NXPH2: variants seen among roughly 807,000 people sequenced by gnomAD.
NXPH2 encodes neurexophilin 2.
NXPH2 carries 5 observed loss-of-function variants against 19.8 expected under a neutral mutation model. The ratio of observed to expected loss-of-function variants is 0.25; its 90% CI spans 0.13 to 0.53. The LOEUF is 0.53. Among genes scored for constraint, NXPH2 ranks in the 20% least tolerant of loss-of-function variants. NXPH2 has a pLI of 0.96. For missense variants in NXPH2, 289 were observed against 322.8 expected, an observed-to-expected ratio of 0.90 and a Z score of 0.80; for synonymous variants, 154 against 127.4, an observed-to-expected ratio of 1.21 and a Z score of -1.41.
intron 1 of NXPH2, among the ~76,000 whole-genome samples, chr2:138,681,534 C>T (rs947124243): frequency 1.2e-4 from 18 of 152,154 alleles, no homozygotes; most frequent in African/African-American, 4.3e-4. Flanking sequence ...AATGTTGTAA[C>T]TATTTTATAG....
rs70982073 is a variant in NXPH2, at chr2:138,707,094, C to CAAAAAAAAAAAAAAAAAAAAAAAAAAA, written c.52-35430_52-35429insTTTTTTTTTTTTTTTTTTTTTTTTTTT. ...ATGACTTTAAGTACTTGCCCCATGA[C>CAAAAAAAAAAAAAAAAAAAAAAAAAAA]AAAAAAAAAAAAAAAAAAGAGCAAG... On this transcript the variant is annotated intron_variant, in intron 1 of 1. Transcript: ENST00000272641. Among the ~76,000 whole-genome samples, 113 of 34,818 alleles carry CAAAAAAAAAAAAAAAAAAAAAAAAAAA rather than the reference C, an allele frequency of 3.2e-3. 28 individuals carry two copies. The highest frequency in any genetic ancestry group is 6.5e-3 in the Admixed American group (11 of 1,704). 22.8% of individuals were successfully genotyped at this position (34,818 alleles called of 152,430 possible). A position where few individuals can be genotyped will look rare whatever the true frequency, so the allele number is the denominator to read the frequency against.
intron 1 of NXPH2, among the ~76,000 whole-genome samples, chr2:138,706,150 A>C (rs985723517): frequency 2.0e-5 from 3 of 152,220 alleles, no homozygotes; most frequent in African/African-American, 7.2e-5. Flanking sequence ...GTCTATTAAT[A>C]AAAAGATAAC....
At chr2:138,720,026 C>A (rs1331794226) in intron 1 of NXPH2, among the ~76,000 whole-genome samples, 1 of 151,632 alleles carries the variant, frequency 6.6e-6, no homozygotes, top group African/African-American at 2.4e-5. Context: ...CTTGGGAATT[C>A]TTGCATTTAT....
chr2:138,719,647 C>T (rs900352157), intron 1 of NXPH2, among the ~76,000 whole-genome samples: 2 of 152,118 alleles, frequency 1.3e-5, no homozygotes, highest in African/African-American at 4.8e-5. Flanking sequence ...GTGGGAAGAT[C>T]GCTTGAGCCC....
At chr2:138,679,584 G>C (rs1242537394) in intron 1 of NXPH2, among the ~76,000 whole-genome samples, 8 of 152,040 alleles carry the variant, frequency 5.3e-5, no homozygotes, top group Admixed American at 5.2e-4. Flanking sequence ...ATTTTTACTA[G>C]AGACGAGGTT....
intron 1 of NXPH2, among the ~76,000 whole-genome samples, chr2:138,724,444 G>A (rs1449670137): frequency 6.6e-6 from 1 of 152,228 alleles, no homozygotes; most frequent in East Asian, 1.9e-4. Flanking sequence ...GTCAAATGGG[G>A]TGATTGTATG....
chr2:138,745,466 A>G (rs1681710074), intron 1 of NXPH2, among the ~76,000 whole-genome samples: 2 of 118,858 alleles, frequency 1.7e-5, no homozygotes, highest in Admixed American at 2.0e-4. Flanking sequence ...TGCAATGCCT[A>G]TGCACATCCT....
intron 1 of NXPH2, among the ~76,000 whole-genome samples, chr2:138,743,536 T>A (rs953264067): frequency 6.6e-6 from 1 of 152,076 alleles, no homozygotes; most frequent in African/African-American, 2.4e-5. Flanking sequence ...AGGGAGGAGA[T>A]GAAGAGTGAC....
intron 1 of NXPH2, among the ~76,000 whole-genome samples, chr2:138,746,553 G>A (rs950222694): frequency 6.6e-6 from 1 of 152,206 alleles, no homozygotes; most frequent in Non-Finnish European, 1.5e-5. Context: ...CTTCTTGGTA[G>A]GCCCAGCTTC....
intron 1 of NXPH2, among the ~76,000 whole-genome samples, chr2:138,754,919 A>G (rs1207584282): frequency 2.0e-5 from 3 of 152,060 alleles, no homozygotes. Flanking sequence ...TCTTATGTGT[A>G]TTGTGGTATC....
At chr2:138,769,109 C>A (rs1682135114) in intron 1 of NXPH2, among the ~76,000 whole-genome samples, 1 of 152,128 alleles carries the variant, frequency 6.6e-6, no homozygotes, top group South Asian at 2.1e-4. Context: ...CAATCTCACT[C>A]TTAATAGTGT....
At chr2:138,702,626 G>GA (rs766214561) in intron 1 of NXPH2, among the ~76,000 whole-genome samples, 22 of 143,082 alleles carry the variant, frequency 1.5e-4, no homozygotes, top group Non-Finnish European at 2.6e-4. Context: ...AACTTGAAGA[G>GA]AAAAAATGAT....
chr2:138,727,817 G>T (rs577881386), intron 1 of NXPH2, among the ~76,000 whole-genome samples: 1 of 152,202 alleles, frequency 6.6e-6, no homozygotes, highest in Non-Finnish European at 1.5e-5. Context: ...AAATAAATAT[G>T]AGCCCACTTT....
In NXPH2 at chr2:138,758,372, A is replaced by T. The variant is rs780334073; in HGVS notation, c.51+21819T>A. Among the ~76,000 whole-genome samples, 52 of 152,290 alleles carry T rather than the reference A, an allele frequency of 3.4e-4. No individual in the cohort carries two copies. In the Middle Eastern group the frequency reaches 0.014, roughly 40 times the overall value. On this transcript the variant is annotated intron_variant, in intron 1 of 1. Coordinates refer to ENST00000272641, the MANE Select transcript of NXPH2 (RefSeq NM_007226.3). ...TGAGAAAATTCTGCAGAATCACAGA[A>T]TTTTAAGTCTAAGCATAACTGAAAG...
chr2:138,779,811 C>A (rs1682322663), intron 1 of NXPH2, among the ~76,000 whole-genome samples: 1 of 152,156 alleles, frequency 6.6e-6, no homozygotes, highest in African/African-American at 2.4e-5. Context: ...CACCACCAAG[C>A]CTCTCAAACT....
chr2:138,671,072 C>A lies in NXPH2; in HGVS notation c.645G>T (p.Gln215His). ...ACAACCAAGACACATGGCTCTGAGT[C>A]TGCTCCTGGTAGCAGATCTTGGATG... ...FDPSKICYQE[Q>H]TQSHVSWLCS... The change falls in exon 2 of 2, where the codon CAG (glutamine) becomes CAT (histidine). Residue 215 changes from glutamine (Q) to histidine (H), a missense_variant. Physicochemically the swap from Gln to His is conservative, Grantham distance 24 (BLOSUM62 0). Coordinates refer to ENST00000272641, the MANE Select transcript of NXPH2 (RefSeq NM_007226.3). 6.2e-7 allele frequency: 1 copy of A among 1,613,970 alleles called. No individual in the cohort carries two copies. Among genetic ancestry groups the A allele is most frequent in the Non-Finnish European group, 8.5e-7 (1 of 1,179,872 alleles).
chr2:138,739,822 A>G (rs1025673717), intron 1 of NXPH2, among the ~76,000 whole-genome samples: 1 of 152,242 alleles, frequency 6.6e-6, no homozygotes, highest in African/African-American at 2.4e-5. Context: ...AAAAATAAAC[A>G]TAAGCAAGCA....
intron 1 of NXPH2, among the ~76,000 whole-genome samples, chr2:138,683,578 C>T (rs769721128): frequency 3.3e-5 from 5 of 152,266 alleles, no homozygotes; most frequent in Admixed American, 2.0e-4. Context: ...TTTAATATTT[C>T]GGTCTTCAGG....
chr2:138,673,134 T>G (rs1230561767), intron 1 of NXPH2, among the ~76,000 whole-genome samples: 6 of 152,206 alleles, frequency 3.9e-5, no homozygotes, highest in Non-Finnish European at 8.8e-5. Flanking sequence ...TTCTTCCGCA[T>G]TCCTGGAGTT....
Sources: gnomAD v4.1 joint callset for allele counts (sites outside exome capture counted in the v4.1 genomes callset) on GRCh38, gnomAD v4.1.1 for gene constraint, MANE v1.5 for transcripts, NCBI Gene and HGNC (gene_info 2026-07-23, HGNC 2026-07-21) for gene names.